Variants in KLHL1 observed in about 807,000 individuals in gnomAD.
The protein encoded by KLHL1 is kelch-like protein 1.
In KLHL1, 47 loss-of-function variants were observed where a neutral mutation model predicts 77.7. The observed-to-expected ratio is 0.60, with a 90% confidence interval of 0.48 to 0.77. The LOEUF (loss-of-function observed/expected upper bound fraction) is 0.77, where lower values mean the gene tolerates loss of function less well. KLHL1 is among the 30% of genes least tolerant of loss of function. KLHL1 has a pLI of 0.00. For missense variants in KLHL1, 925 were observed against 910.8 expected (o/e 1.02, Z -0.20); for synonymous variants, 360 against 325.2 (o/e 1.11, Z -1.15).
At chr13:69,815,017 AT>A (rs1440200369) in intron 6 of KLHL1, among the ~76,000 whole-genome samples, 2 of 149,526 alleles carry the variant, frequency 1.3e-5, no homozygotes, top group Non-Finnish European at 2.9e-5. Flanking sequence ...CTCTAAAAAA[AT>A]AAATAAAATA....
At chr13:69,772,930 T>C (rs751402708) in intron 7 of KLHL1, among the ~76,000 whole-genome samples, 6 of 152,106 alleles carry the variant, frequency 3.9e-5, no homozygotes, top group Admixed American at 6.6e-5. Flanking sequence ...TTAACAACGT[T>C]GATCCAAACA....
At chr13:69,707,917 G>T in intron 9 of KLHL1, 121 bp from the exon 10 acceptor site, 1 of 698,496 alleles carries the variant, frequency 1.4e-6, no homozygotes, top group Non-Finnish European at 2.3e-6. Context: ...TTCTCTAAAG[G>T]CTCAATCATT....
chr13:69,928,685 T>C lies in KLHL1; in HGVS notation c.1014+11355A>G, dbSNP rs115293907. Among the ~76,000 whole-genome samples, 1,070 of 152,270 alleles carry C rather than the reference T, an allele frequency of 7.0e-3. 14 individuals are homozygous for C. Among genetic ancestry groups the C allele is most frequent in the African/African-American group, 0.022 (918 of 41,566 alleles). On this transcript the variant is annotated intron_variant, in intron 4 of 10. Coordinates refer to ENST00000377844, the MANE Select transcript of KLHL1 (RefSeq NM_020866.3). ...ATAAATCAAATCTCACAAAACCACA[T>C]ATTGTATGATTCCACTTTTATTAAA...
At chr13:69,902,264 T>A (rs533918750) in intron 4 of KLHL1, among the ~76,000 whole-genome samples, 1 of 152,266 alleles carries the variant, frequency 6.6e-6, no homozygotes, top group African/African-American at 2.4e-5. Flanking sequence ...TCATGTTTGT[T>A]CAACATGGGC....
intron 1 of KLHL1, among the ~76,000 whole-genome samples, chr13:69,985,797 A>T (rs9564637): frequency 6.8e-6 from 1 of 146,036 alleles, no homozygotes; most frequent in Admixed American, 6.9e-5. Flanking sequence ...TATATATTTT[A>T]TATATATTTA....
At chr13:69,887,527 C>T (rs1412468073) in intron 4 of KLHL1, among the ~76,000 whole-genome samples, 1 of 152,156 alleles carries the variant, frequency 6.6e-6, no homozygotes, top group African/African-American at 2.4e-5. Flanking sequence ...ACGAAAGCAA[C>T]GTGGCTCCTT....
chr13:69,967,305 A>G (rs910240684), intron 2 of KLHL1, among the ~76,000 whole-genome samples: 2 of 152,200 alleles, frequency 1.3e-5, no homozygotes, highest in African/African-American at 4.8e-5. Context: ...GGAAGTAAAA[A>G]TAACAACTAG....
At chr13:69,854,760 A>G (rs1003935555) in intron 5 of KLHL1, among the ~76,000 whole-genome samples, 2 of 152,062 alleles carry the variant, frequency 1.3e-5, no homozygotes, top group Admixed American at 6.6e-5. Flanking sequence ...ATTGGTTCTT[A>G]CATAGTCTTT....
intron 7 of KLHL1, among the ~76,000 whole-genome samples, chr13:69,767,618 C>T (rs999937234): frequency 6.6e-6 from 1 of 152,094 alleles, no homozygotes; most frequent in African/African-American, 2.4e-5. Flanking sequence ...ATTAATTTTG[C>T]AGAATTTTAA....
chr13:70,100,125 T>G (rs989853928), intron 1 of KLHL1, among the ~76,000 whole-genome samples: 9 of 152,058 alleles, frequency 5.9e-5, no homozygotes, highest in Admixed American at 2.6e-4. Context: ...ATAGATCAAC[T>G]GGAGAAGAAT....
chr13:69,900,126 G>T (rs1438777771), intron 4 of KLHL1, among the ~76,000 whole-genome samples: 1 of 152,136 alleles, frequency 6.6e-6, no homozygotes, highest in Non-Finnish European at 1.5e-5. Context: ...TGGAATAGAT[G>T]AATACTCTGG....
At chr13:70,018,567 G>A (rs190158848) in intron 1 of KLHL1, among the ~76,000 whole-genome samples, 1 of 152,330 alleles carries the variant, frequency 6.6e-6, no homozygotes, top group Non-Finnish European at 1.5e-5. Flanking sequence ...TGACTTGTTG[G>A]ATGACTGTGC....
chr13:69,940,367 T>A (rs1049551959), intron 3 of KLHL1, 131 bp from the exon 4 acceptor site: 3 of 615,560 alleles, frequency 4.9e-6, no homozygotes, highest in Non-Finnish European at 7.7e-6. Flanking sequence ...AAGATAAATA[T>A]AACTCGGTAA....
At chr13:70,104,377 C>T (rs1887995941) in intron 1 of KLHL1, among the ~76,000 whole-genome samples, 2 of 152,088 alleles carry the variant, frequency 1.3e-5, no homozygotes, top group South Asian at 2.1e-4. Context: ...CACAATATTT[C>T]CCACTACCTT....
At chr13:69,717,105 A>G (rs1330767652) in intron 9 of KLHL1, among the ~76,000 whole-genome samples, 4 of 152,052 alleles carry the variant, frequency 2.6e-5, no homozygotes, top group Admixed American at 2.6e-4. Context: ...TTTTTGATAA[A>G]CATTATATAA....
intron 1 of KLHL1, among the ~76,000 whole-genome samples, chr13:70,045,550 CA>C (rs1383297715): frequency 2.0e-5 from 3 of 148,856 alleles, no homozygotes; most frequent in African/African-American, 7.4e-5. Flanking sequence ...TTATAATTTT[CA>C]TATTATTTAT....
intron 4 of KLHL1, among the ~76,000 whole-genome samples, chr13:69,930,748 T>C (rs1476001399): frequency 6.6e-6 from 1 of 151,784 alleles, no homozygotes; most frequent in South Asian, 2.1e-4. Flanking sequence ...ATACATGATC[T>C]GTGGAAAGTG....
At chr13:69,780,201 A>T (rs1876070741) in intron 7 of KLHL1, among the ~76,000 whole-genome samples, 1 of 152,210 alleles carries the variant, frequency 6.6e-6, no homozygotes, top group South Asian at 2.1e-4. Flanking sequence ...TGTGGATACA[A>T]GCATGCATTA....
At chr13:69,874,946 AT>A (rs1323302120) in intron 5 of KLHL1, among the ~76,000 whole-genome samples, 1 of 152,118 alleles carries the variant, frequency 6.6e-6, no homozygotes, top group Non-Finnish European at 1.5e-5. Flanking sequence ...TTCAGAAGAA[AT>A]TTAGGACTAC....
Sources: gnomAD v4.1 joint callset for allele counts (sites outside exome capture counted in the v4.1 genomes callset) on GRCh38, gnomAD v4.1.1 for gene constraint, MANE v1.5 for transcripts, NCBI Gene and HGNC (gene_info 2026-07-23, HGNC 2026-07-21) for gene names.